The following CEP63 variants were observed in gnomAD, a reference collection of about 807,000 sequenced individuals.
CEP63 encodes centrosomal protein 63.
CEP63 carries 84 observed loss-of-function variants against 89.1 expected under a neutral mutation model. That is an observed-to-expected ratio of 0.94 (90% CI 0.79 to 1.13). CEP63 has a LOEUF of 1.13. CEP63 is among the 50% of genes most tolerant of loss of function. The pLI, the probability that CEP63 is intolerant of heterozygous loss-of-function variation, is 0.00. For missense variants in CEP63, 838 were observed against 813.3 expected, an observed-to-expected ratio of 1.03 and a Z score of -0.37; for synonymous variants, 267 against 272.5, an observed-to-expected ratio of 0.98 and a Z score of 0.20.
intron 3 of CEP63, among the ~76,000 whole-genome samples, chr3:134,525,225 A>G (rs1948395749): frequency 6.6e-6 from 1 of 152,008 alleles, no homozygotes; most frequent in Non-Finnish European, 1.5e-5. Context: ...GTTAGGGGTG[A>G]TATCTTCCTT....
chr3:134,672,844 C>G, the CEP63 span, among the ~76,000 whole-genome samples: 10 of 152,240 alleles, frequency 6.6e-5, no homozygotes, highest in African/African-American at 2.4e-4. Context: ...CATGTGGTAG[C>G]TCCCTCCCCA....
the CEP63 span, chr3:134,629,755 T>C: frequency 1.0e-6 from 1 of 971,856 alleles, no homozygotes. Context: ...GGTGAATGCC[T>C]CATGACTGAT....
chr3:134,651,670 A>G, the CEP63 span: 6 of 925,248 alleles, frequency 6.5e-6, no homozygotes, highest in Non-Finnish European at 7.7e-6. Context: ...TTGAGTATCA[A>G]GCTAACGATC....
chr3:134,604,152 A>AG, the CEP63 span: 1 of 1,607,880 alleles, frequency 6.2e-7, no homozygotes, highest in East Asian at 2.2e-5. Context: ...TGTGGATGAT[A>AG]GGGTCAGGGT....
At chr3:134,744,052 AC>A in the CEP63 span, among the ~76,000 whole-genome samples, 2 of 151,604 alleles carry the variant, frequency 1.3e-5, no homozygotes, top group African/African-American at 2.4e-5. Flanking sequence ...TATTCACCCC[AC>A]CCCCAGCCAT....
chr3:134,716,116 TC>T, the CEP63 span, among the ~76,000 whole-genome samples: 1 of 152,168 alleles, frequency 6.6e-6, no homozygotes, highest in Non-Finnish European at 1.5e-5. Context: ...TCAGTTTCAG[TC>T]TGGGTGGCAA....
chr3:134,524,549 C>T (rs779236447), intron 3 of CEP63, among the ~76,000 whole-genome samples: 10 of 151,938 alleles, frequency 6.6e-5, no homozygotes, highest in Non-Finnish European at 1.0e-4. Flanking sequence ...TTTTGAGGTG[C>T]GTTTCTTCAG....
At chr3:134,692,348 G>T in the CEP63 span, among the ~76,000 whole-genome samples, 2 of 151,532 alleles carry the variant, frequency 1.3e-5, no homozygotes, top group East Asian at 3.9e-4. Flanking sequence ...CTATGAGTGG[G>T]AACATGCGGT....
chr3:134,592,267 A>C (rs1420105423), downstream of CEP63, among the ~76,000 whole-genome samples: 1 of 152,208 alleles, frequency 6.6e-6, no homozygotes, highest in Non-Finnish European at 1.5e-5. Context: ...GGAGAGAATA[A>C]GGAGGAGGCT....
the CEP63 span, among the ~76,000 whole-genome samples, chr3:134,747,706 A>G: frequency 6.6e-6 from 1 of 152,172 alleles, no homozygotes; most frequent in Admixed American, 6.5e-5. Flanking sequence ...AGTCTGGAAG[A>G]AAGGGGGGGA....
intron 3 of CEP63, among the ~76,000 whole-genome samples, chr3:134,529,273 T>G (rs562427951): frequency 1.3e-5 from 2 of 152,218 alleles, no homozygotes; most frequent in South Asian, 4.1e-4. Flanking sequence ...CATTCACAGT[T>G]TATTTATAAA....
chr3:134,749,270 T>A, the CEP63 span, among the ~76,000 whole-genome samples: 1 of 152,196 alleles, frequency 6.6e-6, no homozygotes, highest in Non-Finnish European at 1.5e-5. Context: ...GAATTTGCAC[T>A]TCTAACCAGT....
the CEP63 span, among the ~76,000 whole-genome samples, chr3:134,665,397 G>T: frequency 1.3e-5 from 2 of 152,208 alleles, no homozygotes; most frequent in Non-Finnish European, 2.9e-5. Context: ...TGGGAGCCTG[G>T]CCTGTTTCAA....
chr3:134,509,946 C>A (rs1288334495), intron 3 of CEP63, among the ~76,000 whole-genome samples: 2 of 152,106 alleles, frequency 1.3e-5, no homozygotes, highest in African/African-American at 4.8e-5. Flanking sequence ...GGAAGTAATA[C>A]AAAGTGCCTT....
At chr3:134,714,689 A>G in the CEP63 span, among the ~76,000 whole-genome samples, 24 of 152,252 alleles carry the variant, frequency 1.6e-4, no homozygotes, top group African/African-American at 5.8e-4. Context: ...ATCCCTGGCC[A>G]GCAGCTCAGC....
At chr3:134,767,678 A>G in the CEP63 span, among the ~76,000 whole-genome samples, 1 of 152,170 alleles carries the variant, frequency 6.6e-6, no homozygotes, top group African/African-American at 2.4e-5. Context: ...TCCCACACTG[A>G]TTATTCCAAG....
chr3:134,759,313 T>A, the CEP63 span, among the ~76,000 whole-genome samples: 1 of 152,356 alleles, frequency 6.6e-6, no homozygotes, highest in Non-Finnish European at 1.5e-5. Context: ...TTTTTAGGAA[T>A]CAGGGCCTTC....
chr3:134,645,236 G>A, the CEP63 span, among the ~76,000 whole-genome samples: 2 of 152,208 alleles, frequency 1.3e-5, no homozygotes, highest in Non-Finnish European at 2.9e-5. Context: ...AGGAGGGTGA[G>A]GAGGCGGCTG....
At chr3:134,625,143 C>T in the CEP63 span, 1 of 1,590,588 alleles carries the variant, frequency 6.3e-7, no homozygotes, top group Non-Finnish European at 8.6e-7. Flanking sequence ...AGGCTGGAAA[C>T]ACAGGGCACC....
Sources: gnomAD v4.1 joint callset for allele counts (sites outside exome capture counted in the v4.1 genomes callset) on GRCh38, gnomAD v4.1.1 for gene constraint, MANE v1.5 for transcripts, NCBI Gene and HGNC (gene_info 2026-07-23, HGNC 2026-07-21) for gene names.